Variants in CENPE observed in about 807,000 individuals in gnomAD.
CENPE encodes the protein centromere protein E.
In CENPE, 145 loss-of-function variants were observed where a neutral mutation model predicts 336.1. The observed-to-expected ratio is 0.43, with a 90% CI of 0.38 to 0.50. The LOEUF (loss-of-function observed/expected upper bound fraction) is 0.50, where lower values mean the gene tolerates loss of function less well. Among genes scored for constraint, CENPE ranks in the 20% least tolerant of loss-of-function variants. CENPE has a pLI of 0.00. For synonymous variants in CENPE, 1,013 were observed against 984.8 expected, an observed-to-expected ratio of 1.03 and a Z score of -0.54; for missense variants, 2,719 against 3,023.3, an observed-to-expected ratio of 0.90 and a Z score of 2.36.
chr4:103,178,832 A>G, intron 13 of CENPE, among the ~76,000 whole-genome samples: 1 of 152,212 alleles, frequency 6.6e-6, no homozygotes, highest in East Asian at 1.9e-4. Context: ...GCCTTACCCA[A>G]TTGGAGTTTT....
intron 21 of CENPE, among the ~76,000 whole-genome samples, chr4:103,159,554 G>A (rs1446659198): frequency 6.6e-6 from 1 of 151,624 alleles, no homozygotes; most frequent in Admixed American, 6.6e-5. Flanking sequence ...TAGAAAGTAA[G>A]GTCTGCATGG....
chr4:103,184,149 A>T (rs572142087), intron 9 of CENPE, among the ~76,000 whole-genome samples: 21 of 152,320 alleles, frequency 1.4e-4, no homozygotes, highest in African/African-American at 5.1e-4. Flanking sequence ...ATTACTACCT[A>T]ACCAACCGGC....
Position 103,125,339 on chromosome 4 carries a change from G to A in CENPE, c.6925-2250C>T, listed in dbSNP as rs372326297. On this transcript the variant is annotated intron_variant, in intron 42 of 48. Coordinates refer to ENST00000265148, the MANE Select transcript of CENPE (RefSeq NM_001813.3). ...ATAAGCAATCTTTTGAATATTACAT[G>A]TTTTACCAATGAAACAGAGAAGGGA... 1.1e-4 allele frequency among the ~76,000 whole-genome samples: 17 copies of A among 152,254 alleles called. No homozygotes were observed. The South Asian group carries it at 1.9e-3, about 17-fold the overall frequency.
intron 13 of CENPE, 112 bp downstream of exon 13, chr4:103,180,199 T>A: frequency 1.1e-6 from 1 of 926,488 alleles, no homozygotes; most frequent in Non-Finnish European, 1.5e-6. Context: ...CTTCTGGGTT[T>A]CTTGAATATA....
At chr4:103,116,541 C>T (rs1323881536) in intron 45 of CENPE, 36 bp downstream of exon 45, 10 of 997,252 alleles carry the variant, frequency 1.0e-5, no homozygotes, top group Non-Finnish European at 1.5e-5. Context: ...AAAATTTAAG[C>T]TATTAAAATC....
chr4:103,112,441 ATATACT>A (rs971503932), intron 46 of CENPE, among the ~76,000 whole-genome samples: 25 of 145,446 alleles, frequency 1.7e-4, no homozygotes, highest in African/African-American at 5.8e-4. Flanking sequence ...TTATACATAC[ATATACT>A]TATATATACA....
intron 38 of CENPE, among the ~76,000 whole-genome samples, chr4:103,139,320 T>C (rs188474561): frequency 3.2e-4 from 48 of 152,306 alleles, no homozygotes; most frequent in African/African-American, 1.1e-3. Context: ...TATTTTAAGA[T>C]ATATGATTCT....
intron 13 of CENPE, among the ~76,000 whole-genome samples, chr4:103,179,778 G>A (rs939483888): frequency 6.6e-6 from 1 of 152,136 alleles, no homozygotes; most frequent in African/African-American, 2.4e-5. Flanking sequence ...AGGAAGTCTA[G>A]CTCCAGAGGT....
intron 12 of CENPE, 116 bp downstream of exon 12, chr4:103,181,221 A>G (rs1756300811): frequency 1.5e-6 from 1 of 650,980 alleles, no homozygotes; most frequent in African/African-American, 1.9e-5. Context: ...AAAGTGATTA[A>G]AAACCTAAGT....
chr4:103,181,969 C>A (rs1044784813), intron 11 of CENPE: 1 of 152,678 alleles, frequency 6.5e-6, no homozygotes, highest in African/African-American at 2.4e-5. Flanking sequence ...CAATGTTTCT[C>A]AGAGTATAAG....
chr4:103,108,838 C>A lies in CENPE; in HGVS notation c.7976G>T (p.Arg2659Leu). The change falls in exon 48 of 49, where the codon CGC becomes CTC. Residue 2659 changes from arginine to leucine, a missense_variant. Arg to Leu is a moderately radical substitution (Grantham distance 102). Coordinates refer to ENST00000265148, the MANE Select transcript of CENPE (RefSeq NM_001813.3). ...SKSLPSPHPVRYFDNSSLGLC... is the reference protein window; with the variant it reads ...SKSLPSPHPVLYFDNSSLGLC... ...GCCTAAACTTGAGTTATCAAAATAG[C>A]GAACTGGATGAGGTGATGGTAAAGA... 6.2e-7 allele frequency: 1 copy of A among 1,613,606 alleles called. No homozygotes were observed. Among genetic ancestry groups the A allele is most frequent in the Non-Finnish European group, 8.5e-7 (1 of 1,179,752 alleles).
intron 8 of CENPE, among the ~76,000 whole-genome samples, chr4:103,187,523 C>CTTAAAGAAAAGAATATT (rs1240228535): frequency 2.0e-5 from 3 of 152,132 alleles, no homozygotes; most frequent in Non-Finnish European, 4.4e-5. Context: ...AATATTCAAC[C>CTTAAAGAAAAGAATATT]CAGAATTTCA....
intron 16 of CENPE, among the ~76,000 whole-genome samples, chr4:103,165,494 C>T (rs1286309842): frequency 6.6e-6 from 1 of 152,144 alleles, no homozygotes; most frequent in East Asian, 1.9e-4. Context: ...GAAATGGCTC[C>T]ATGTCCTAAG....
intron 46 of CENPE, among the ~76,000 whole-genome samples, chr4:103,111,886 C>T (rs1299397415): frequency 1.3e-5 from 2 of 152,004 alleles, no homozygotes; most frequent in Non-Finnish European, 2.9e-5. Context: ...GACTATAATA[C>T]AAGCAAATAT....
intron 8 of CENPE, among the ~76,000 whole-genome samples, chr4:103,187,268 C>T (rs367625578): frequency 7.2e-5 from 11 of 152,222 alleles, no homozygotes; most frequent in African/African-American, 1.7e-4. Flanking sequence ...TTGTTCATTA[C>T]GTTTTATCAA....
At chr4:103,195,698 T>C (rs1757682183) in intron 4 of CENPE, among the ~76,000 whole-genome samples, 1 of 152,148 alleles carries the variant, frequency 6.6e-6, no homozygotes, top group Non-Finnish European at 1.5e-5. Flanking sequence ...GTATTATTGT[T>C]GCAGAATTCA....
chr4:103,150,176 A>T (rs964771545), intron 26 of CENPE, among the ~76,000 whole-genome samples: 2 of 152,212 alleles, frequency 1.3e-5, no homozygotes, highest in Admixed American at 6.5e-5. Context: ...ATTAACCTTC[A>T]CAGGCTATTG....
rs1387679767 is a variant in CENPE at position 103,158,343 on chromosome 4, A to G, written c.2990T>C (p.Met997Thr). 1 of 1,609,656 alleles carries G rather than the reference A, an allele frequency of 6.2e-7. No homozygotes were observed. The highest frequency in any genetic ancestry group is 8.5e-7 in the Non-Finnish European group (1 of 1,178,204). The change falls in exon 24 of 49, where the codon ATG (methionine) becomes ACG (threonine). Residue 997 changes from methionine (M) to threonine (T), a missense_variant. By Grantham distance (81) the Met-to-Thr change is moderately conservative. This residue lies in a region of CENPE where 2,437 missense variants were observed against 2,513.3 expected (regional missense o/e 0.97). Coordinates refer to ENST00000265148, the MANE Select transcript of CENPE (RefSeq NM_001813.3). ...TTTAGTTTCTCCTGTATTTTCCTCC[A>G]TATGCAAATTCCTGGAAACTTCCTC... ...ISEEVSRNLH[M>T]EENTGETKDE...
chr4:103,198,236 G>T lies in CENPE; in HGVS notation c.56+28C>A, dbSNP rs1203232950. 77 of 1,546,624 alleles carry T rather than the reference G, an allele frequency of 5.0e-5. 1 individual carries two copies. The highest frequency in any genetic ancestry group is 1.9e-4 in the Middle Eastern group (1 of 5,244). On this transcript the variant is annotated intron_variant, in intron 1 of 48. Transcript: ENST00000265148. ...CAGGGCGGCGCCGCAGGCCCAGCGGGCACCGGGCCGTGGTGTGGCCCCCCT... is the reference window on the plus strand; with the variant it reads ...CAGGGCGGCGCCGCAGGCCCAGCGGTCACCGGGCCGTGGTGTGGCCCCCCT...
Sources: gnomAD v4.1 joint callset for allele counts (sites outside exome capture counted in the v4.1 genomes callset) on GRCh38, gnomAD v4.1.1 for gene constraint, gnomAD v4.1.1 regional missense constraint, MANE v1.5 for transcripts, NCBI Gene and HGNC (gene_info 2026-07-23, HGNC 2026-07-21) for gene names.